MED17: variants seen among roughly 807,000 people sequenced by gnomAD.
The protein encoded by MED17 is mediator of RNA polymerase II transcription subunit 17.
In MED17, 49 loss-of-function variants were observed where a neutral mutation model predicts 80.8. The ratio of observed to expected loss-of-function variants is 0.61; its 90% CI spans 0.48 to 0.77. The LOEUF (loss-of-function observed/expected upper bound fraction) is 0.77, where lower values mean the gene tolerates loss of function less well. Ranked by LOEUF, MED17 falls within the 30% of genes least tolerant of loss-of-function variation. The pLI is 0.00. For missense variants in MED17, 718 were observed against 787.0 expected (o/e 0.91, Z 1.05); for synonymous variants, 281 against 280.4 (o/e 1.00, Z -0.02).
intron 3 of MED17, among the ~76,000 whole-genome samples, chr11:93,791,197 A>G (rs961768847): frequency 6.6e-6 from 1 of 152,256 alleles, no homozygotes; most frequent in African/African-American, 2.4e-5. Flanking sequence ...GTTACGTTTC[A>G]AAATTTTAAT....
chr11:93,797,867 G>A, intron 8 of MED17, 148 bp downstream of exon 8: 1 of 705,542 alleles, frequency 1.4e-6, no homozygotes, highest in East Asian at 2.8e-5. Context: ...GTCATAGACT[G>A]GGTCCTGTCA....
At chr11:93,794,732 A>G in intron 5 of MED17, 176 bp from the exon 6 acceptor site, 1 of 645,266 alleles carries the variant, frequency 1.5e-6, no homozygotes, top group Non-Finnish European at 2.7e-6. Context: ...ATGATTTGTA[A>G]CACAGTTGGC....
chr11:93,793,803 A>C lies in MED17; in HGVS notation c.713A>C (p.Glu238Ala). ...TDLDLDKKIP[E>A]DYCPLDVQIP... ...CTCGATCTGGATAAAAAGATACCTG[A>C]AGATTACTGTCCTCTTGATGTCCAA... Residue 238 changes from glutamate to alanine, a missense_variant, in exon 4 of 12, where the codon GAA becomes GCA. Glu to Ala is a moderately radical substitution (Grantham distance 107). Coordinates refer to ENST00000251871, the MANE Select transcript of MED17 (RefSeq NM_004268.5). The C allele has an allele frequency of 6.2e-7, 1 of 1,607,292 alleles. No homozygotes were observed. Among genetic ancestry groups the C allele is most frequent in the Non-Finnish European group, 8.5e-7 (1 of 1,174,050 alleles).
At chr11:93,786,772 AC>A (rs1276594697) in intron 1 of MED17, among the ~76,000 whole-genome samples, 1 of 152,110 alleles carries the variant, frequency 6.6e-6, no homozygotes, top group Non-Finnish European at 1.5e-5. Context: ...CCCAGCCGAA[AC>A]TTTTAAATGT....
At chr11:93,806,134 A>G (rs947974801) in intron 9 of MED17, 2 of 151,752 alleles carry the variant, frequency 1.3e-5, no homozygotes, top group African/African-American at 4.8e-5. Flanking sequence ...GTGTGCCACC[A>G]CGCCCACCTA....
In MED17 at chr11:93,812,190, A is replaced by G; in HGVS notation, c.*126A>G. The G allele has an allele frequency of 1.2e-6, 1 of 840,142 alleles. No individual in the cohort carries two copies. The highest frequency in any genetic ancestry group is 2.3e-5 in the Admixed American group (1 of 43,876). 52.0% of individuals were successfully genotyped at this position (840,142 alleles called of 1,614,324 possible). A position where few individuals can be genotyped will look rare whatever the true frequency, so the allele number is the denominator to read the frequency against. ...CTGTTTTTAAAAATAATAATTAGGAAATGTTTATTTAGCACTTTCAAACTT... is the reference window on the plus strand; with the variant it reads ...CTGTTTTTAAAAATAATAATTAGGAGATGTTTATTTAGCACTTTCAAACTT... On this transcript the variant is annotated 3_prime_UTR_variant, in exon 12 of 12. Coordinates refer to ENST00000251871, the MANE Select transcript of MED17 (RefSeq NM_004268.5).
intron 2 of MED17, chr11:93,789,127 A>G (rs528052386): frequency 1.3e-5 from 2 of 152,334 alleles, no homozygotes; most frequent in South Asian, 4.1e-4. Context: ...CCATAACCAA[A>G]TTAGTCATGG....
intron 2 of MED17, chr11:93,788,440 G>A (rs1943794520): frequency 3.0e-5 from 9 of 302,552 alleles, no homozygotes; most frequent in South Asian, 2.8e-4. Flanking sequence ...CCAGCACTTT[G>A]GGAGGCCAAG....
Position 93,812,452 on chromosome 11 carries a change from T to A in MED17, c.*388T>A, listed in dbSNP as rs1944093819. On this transcript the variant is annotated 3_prime_UTR_variant, in exon 12 of 12. Coordinates refer to ENST00000251871, the MANE Select transcript of MED17 (RefSeq NM_004268.5). ...CCCCAAATACTTTCTAAACTTTTTT[T>A]TTTTGAGATGGTATCTCACTCTGTA... The A allele has an allele frequency of 2.5e-6, 1 of 400,740 alleles. No individual in the cohort carries two copies. Among genetic ancestry groups the A allele is most frequent in the Admixed American group, 4.3e-5 (1 of 23,382 alleles). 24.8% of individuals were successfully genotyped at this position (400,740 alleles called of 1,614,324 possible). A position where few individuals can be genotyped will look rare whatever the true frequency, so the allele number is the denominator to read the frequency against.
chr11:93,787,150 A>C (rs1278718653), intron 1 of MED17, among the ~76,000 whole-genome samples: 4 of 152,270 alleles, frequency 2.6e-5, no homozygotes, highest in East Asian at 3.9e-4. Flanking sequence ...GCAGTGGCTC[A>C]CGTCTGTAAT....
intron 11 of MED17, chr11:93,810,652 AAGCGCTGGGATTACAGGCGTGAG>A (rs1369935215): frequency 2.6e-5 from 4 of 152,328 alleles, no homozygotes; most frequent in Non-Finnish European, 5.9e-5. Flanking sequence ...CGGCCTCCCA[AAGCGCTGGGATTACAGGCGTGAG>A]CCACCGCACC....
chr11:93,796,038 T>G (rs2061588233), intron 6 of MED17: 1 of 284,646 alleles, frequency 3.5e-6, no homozygotes, highest in Admixed American at 4.9e-5. Context: ...ACCTGTCCAC[T>G]TCCCGGGTCC....
At chr11:93,797,189 G>C (rs1943912906) in intron 7 of MED17, 1 of 267,638 alleles carries the variant, frequency 3.7e-6, no homozygotes. Flanking sequence ...TTTAAAACTT[G>C]TAAAATAAAA....
rs749376896 is a variant in MED17, at chr11:93,790,705, C to T, written c.549C>T (p.Phe183=). Residue 183 remains phenylalanine (F), a synonymous_variant, in exon 3 of 12, where the codon TTC becomes TTT. Transcript: ENST00000251871. The part of the protein sequence containing the change: ...ENQENKLQRD[F]NSELLRLRQH... ...AAGAAAACAAGCTACAAAGAGACTT[C>T]AATTCTGAGCTTTTGCGATTACGGC... The T allele has an allele frequency of 1.2e-6, 2 of 1,614,190 alleles. No individual in the cohort carries two copies. The highest frequency in any genetic ancestry group is 2.2e-5 in the South Asian group (2 of 91,082).
Position 93,793,948 on chromosome 11 carries a change from T to C in MED17, c.775-3T>C. On this transcript the variant is annotated splice_region_variant and splice_polypyrimidine_tract_variant and intron_variant, in intron 4 of 11. Coordinates refer to ENST00000251871, the MANE Select transcript of MED17 (RefSeq NM_004268.5). ...AACTTTTTTTGTTTTTGTTGTCATA[T>C]AGGTTTCAATACAAAAACAGGCTCC... The C allele has an allele frequency of 6.2e-7, 1 of 1,613,920 alleles. No homozygotes were observed. Among genetic ancestry groups the C allele is most frequent in the East Asian group, 2.2e-5 (1 of 44,830 alleles).
rs1417222821 is a variant in MED17 at position 93,784,831 on chromosome 11, T to A, written c.250+68T>A. Reference sequence around the variant, plus strand: ...CAGCACCCGCGCGGGCCTCCGCCTCTCCCGCGATGGGGGTGATCTTGTGCG... The same window carrying A: ...CAGCACCCGCGCGGGCCTCCGCCTCACCCGCGATGGGGGTGATCTTGTGCG... On this transcript the variant is annotated intron_variant, in intron 1 of 11. Coordinates refer to ENST00000251871, the MANE Select transcript of MED17 (RefSeq NM_004268.5). 5 of 1,524,022 alleles carry A rather than the reference T, an allele frequency of 3.3e-6. No individual in the cohort carries two copies. The African/African-American group carries it at 5.5e-5, about 17-fold the overall frequency. The allele number at this position is 1,524,022 out of a possible 1,614,324, so 94.4% of individuals were successfully genotyped here. A position where few individuals can be genotyped will look rare whatever the true frequency, so the allele number is the denominator to read the frequency against.
Position 93,809,807 on chromosome 11 carries a change from C to G in MED17, c.1675C>G (p.Pro559Ala). 6.2e-7 allele frequency: 1 copy of G among 1,614,122 alleles called. No homozygotes were observed. The highest frequency in any genetic ancestry group is 1.1e-5 in the South Asian group (1 of 91,080). Reference protein sequence around the residue: ...LSFSNHVGLGPIESIGNASAI... With the variant: ...LSFSNHVGLGAIESIGNASAI... ...CTTCAGTAATCATGTGGGACTTGGA[C>G]CTATAGAGAGCATTGGTAATGCATC... is the stretch of plus-strand genomic sequence containing the variant. The change falls in exon 11 of 12, where the codon CCT (proline) becomes GCT (alanine). Residue 559 changes from proline to alanine, a missense_variant. Pro to Ala is a conservative substitution (Grantham distance 27, BLOSUM62 -1). Transcript: ENST00000251871.
At position 93,788,132 on chromosome 11, in the gene MED17, G is replaced by T; in HGVS notation, c.382G>T (p.Asp128Tyr). The change falls in exon 2 of 12, where the codon GAT becomes TAT. Residue 128 changes from aspartate (D) to tyrosine (Y), a missense_variant. By Grantham distance (160) the Asp-to-Tyr change is radical. Coordinates refer to ENST00000251871, the MANE Select transcript of MED17 (RefSeq NM_004268.5). ...TAGGGATAAAAAATTTATGACTCTT[G>T]ATCCTGTCTCTCAGGATGCACTTCC... is the stretch of plus-strand genomic sequence containing the variant. The part of the protein sequence containing the change: ...IVRDKKFMTL[D>Y]PVSQDALPPK... 1 of 1,613,404 alleles carries T rather than the reference G, an allele frequency of 6.2e-7. No homozygotes were observed. The highest frequency in any genetic ancestry group is 1.1e-5 in the South Asian group (1 of 91,044).
chr11:93,785,292 C>T (rs1226709309), intron 1 of MED17, among the ~76,000 whole-genome samples: 1 of 152,086 alleles, frequency 6.6e-6, no homozygotes, highest in Non-Finnish European at 1.5e-5. Context: ...AAAGCTTTTG[C>T]AGGATAAGTA....
Sources: gnomAD v4.1 joint callset for allele counts (sites outside exome capture counted in the v4.1 genomes callset) on GRCh38, gnomAD v4.1.1 for gene constraint, MANE v1.5 for transcripts, NCBI Gene and HGNC (gene_info 2026-07-23, HGNC 2026-07-21) for gene names.